ABCA5: variants seen among roughly 807,000 people sequenced by gnomAD.
The protein encoded by ABCA5 is cholesterol transporter ABCA5.
Under a neutral mutation model 206.0 loss-of-function variants are expected in ABCA5, and 163 were observed. That is an observed-to-expected ratio of 0.79 (90% CI 0.70 to 0.90). ABCA5 has a LOEUF of 0.90. ABCA5 is among the 40% of genes least tolerant of loss of function. ABCA5 has a pLI of 0.00. For missense variants in ABCA5, 1,859 were observed against 1,912.9 expected (o/e 0.97, Z 0.53); for synonymous variants, 609 against 613.8 (o/e 0.99, Z 0.11).
intron 2 of ABCA5, 110 bp from the exon 3 acceptor site, chr17:69,313,406 C>G: frequency 2.3e-6 from 1 of 435,420 alleles, no homozygotes; most frequent in African/African-American, 3.4e-5. Flanking sequence ...ATTTGGTTGT[C>G]CTTTCTTATG....
Position 69,286,257 on chromosome 17 carries a change from A to T in ABCA5, c.2096T>A (p.Phe699Tyr). Residue 699 changes from phenylalanine to tyrosine, a missense_variant, in exon 16 of 39, where the codon TTC (phenylalanine) becomes TAC (tyrosine). By Grantham distance (22) the Phe-to-Tyr change is conservative. Transcript: ENST00000392676. The stretch of plus-strand genomic sequence containing the variant: ...GCCGATCCCCCATTTACTTTTGAGG[A>T]ACATTGAAGAACCAACACATTTCAG... Reference protein sequence around the residue: ...GMLKCVGSSMFLKSKWGIGYR... With the variant: ...GMLKCVGSSMYLKSKWGIGYR... The T allele has an allele frequency of 6.3e-7, 1 of 1,592,512 alleles. No homozygotes were observed. The highest frequency in any genetic ancestry group is 1.2e-5 in the South Asian group (1 of 86,276).
At chr17:69,272,634 A>G (rs577858620) in intron 20 of ABCA5, among the ~76,000 whole-genome samples, 4 of 152,316 alleles carry the variant, frequency 2.6e-5, no homozygotes, top group African/African-American at 9.6e-5. Context: ...AACCAAAACG[A>G]GAATTCATAA....
chr17:69,292,235 G>A (rs538508853), intron 11 of ABCA5, among the ~76,000 whole-genome samples: 66 of 152,160 alleles, frequency 4.3e-4, no homozygotes, highest in African/African-American at 1.4e-3. Flanking sequence ...ACAACTAAAC[G>A]TTAAGTGTTC....
At chr17:69,308,244 G>A in intron 5 of ABCA5, 36 bp downstream of exon 5, 1 of 1,305,712 alleles carries the variant, frequency 7.7e-7, no homozygotes, top group Non-Finnish European at 1.1e-6. Flanking sequence ...TTTTAAAATG[G>A]CATAGTTTTT....
intron 24 of ABCA5, 35 bp from the exon 25 acceptor site, chr17:69,261,783 A>T (rs778232811): frequency 1.2e-6 from 1 of 829,226 alleles, no homozygotes; most frequent in Admixed American, 3.4e-5. Flanking sequence ...TAAAAATATG[A>T]ATAGCTTGCA....
intron 23 of ABCA5, among the ~76,000 whole-genome samples, chr17:69,267,711 A>AC (rs751802207): frequency 5.9e-5 from 9 of 152,168 alleles, no homozygotes; most frequent in Non-Finnish European, 1.2e-4. Context: ...CAAAAAACTT[A>AC]CCTCACAATG....
rs1410615309 is a variant in ABCA5, at chr17:69,284,019, C to T, written c.2326G>A (p.Val776Ile). The change falls in exon 18 of 39, where the codon GTT becomes ATT. Residue 776 changes from valine to isoleucine, a missense_variant. Coordinates refer to ENST00000392676, the MANE Select transcript of ABCA5 (RefSeq NM_172232.4). ...ACGTCTTCCAAAGTCGTCATGGAAA[C>T]ACCATAAGAAATGACACCCAAATTT... The part of the protein sequence containing the change: ...HSNLGVISYG[V>I]SMTTLEDVFL... The T allele has an allele frequency of 1.9e-6, 3 of 1,606,570 alleles. No homozygotes were observed. Among genetic ancestry groups the T allele is most frequent in the Non-Finnish European group, 2.5e-6 (3 of 1,176,968 alleles).
At chr17:69,295,543 T>C (rs1020770126) in intron 10 of ABCA5, among the ~76,000 whole-genome samples, 1 of 152,172 alleles carries the variant, frequency 6.6e-6, no homozygotes, top group South Asian at 2.1e-4. Context: ...TGCTACAAAA[T>C]TATTGCAGTG....
Position 69,297,174 on chromosome 17 carries a change from CA to C in ABCA5, c.1436+16del, listed in dbSNP as rs1384510502. The C allele has an allele frequency of 1.1e-5, 18 of 1,599,926 alleles. No homozygotes were observed. Among genetic ancestry groups the C allele is most frequent in the Non-Finnish European group, 1.5e-5 (18 of 1,176,518 alleles). On this transcript the variant is annotated intron_variant, in intron 10 of 38. Coordinates refer to ENST00000392676, the MANE Select transcript of ABCA5 (RefSeq NM_172232.4). Reference sequence around the variant, plus strand: ...TCAGCAGTTCTTATACCTAAATTGCCAAAGATTGAACCATACCTTATGGCTT... The same window carrying C: ...TCAGCAGTTCTTATACCTAAATTGCCAAGATTGAACCATACCTTATGGCTT...
At chr17:69,299,768 G>A (rs1567775562) in intron 9 of ABCA5, among the ~76,000 whole-genome samples, 1 of 151,982 alleles carries the variant, frequency 6.6e-6, no homozygotes, top group South Asian at 2.1e-4. Context: ...AGGGTGACAG[G>A]TGCACCAATA....
chr17:69,299,463 CACACACAT>C (rs1447870093), intron 9 of ABCA5, among the ~76,000 whole-genome samples: 5 of 130,260 alleles, frequency 3.8e-5, no homozygotes, highest in East Asian at 5.3e-4. Flanking sequence ...GATACACACA[CACACACAT>C]ACACACACAC....
At chr17:69,251,686 T>C (rs1052890055) in intron 35 of ABCA5, 61 bp downstream of exon 35, 12 of 1,548,718 alleles carry the variant, frequency 7.7e-6, no homozygotes, top group South Asian at 1.2e-5. Flanking sequence ...TTTGAAATGA[T>C]GACTTTCAAA....
chr17:69,301,151 G>T lies in ABCA5; in HGVS notation c.1255C>A (p.Gln419Lys). ...FYVLLAVYLDQVIPGEFGLRR... is the reference protein window; with the variant it reads ...FYVLLAVYLDKVIPGEFGLRR... The stretch of plus-strand genomic sequence containing the variant: ...ACCATCTGCATACCTGGAATGACTT[G>T]ATCAAGATAGACAGCCAAGAGGACA... Residue 419 changes from glutamine (Q) to lysine (K), a missense_variant, in exon 9 of 39, where the codon CAA becomes AAA. Transcript: ENST00000392676. 1 of 1,545,132 alleles carries T rather than the reference G, an allele frequency of 6.5e-7. No homozygotes were observed. The highest frequency in any genetic ancestry group is 1.3e-5 in the South Asian group (1 of 76,994).
intron 19 of ABCA5, among the ~76,000 whole-genome samples, chr17:69,275,931 T>C (rs1049242136): frequency 6.6e-6 from 1 of 152,182 alleles, no homozygotes; most frequent in African/African-American, 2.4e-5. Context: ...GGTGGCCTTC[T>C]GCAAGCCAGG....
chr17:69,289,888 T>A lies in ABCA5; in HGVS notation c.1756A>T (p.Ile586Leu), dbSNP rs201146045. ...NLSILASIKG[I>L]PANNIIQEVQ... ...TCTTGTATTATATTGTTGGCTGGTA[T>A]CCCTTTGATTGAAGCCAAAATTGAT... Residue 586 changes from isoleucine to leucine, a missense_variant, in exon 13 of 39, where the codon ATA becomes TTA. Transcript: ENST00000392676. 155 of 1,610,214 alleles carry A rather than the reference T, an allele frequency of 9.6e-5. No individual in the cohort carries two copies. Among genetic ancestry groups the A allele is most frequent in the Non-Finnish European group, 1.1e-4 (128 of 1,178,492 alleles).
chr17:69,271,043 C>A, intron 21 of ABCA5, 119 bp downstream of exon 21: 2 of 1,248,250 alleles, frequency 1.6e-6, no homozygotes, highest in South Asian at 1.8e-5. Context: ...TAGTTATTTC[C>A]AAAAGTAAAA....
At chr17:69,248,133 G>A (rs1032530764) in intron 38 of ABCA5, 129 bp downstream of exon 38, 13 of 557,486 alleles carry the variant, frequency 2.3e-5, no homozygotes, top group Non-Finnish European at 1.9e-5. Context: ...ATTATACCAA[G>A]TTTAAGATCA....
intron 12 of ABCA5, among the ~76,000 whole-genome samples, chr17:69,290,886 T>C (rs2075518227): frequency 2.0e-5 from 3 of 152,150 alleles, no homozygotes; most frequent in Non-Finnish European, 4.4e-5. Flanking sequence ...TTGTGTTTAT[T>C]TTCTCAACCT....
intron 9 of ABCA5, among the ~76,000 whole-genome samples, chr17:69,299,710 G>A (rs1443611408): frequency 6.7e-6 from 1 of 149,784 alleles, no homozygotes; most frequent in Non-Finnish European, 1.5e-5. Flanking sequence ...AAAGGTGGGA[G>A]GGGGGTGAGG....
Sources: allele counts gnomAD v4.1 joint callset (sites outside exome capture counted in the v4.1 genomes callset), GRCh38; gene constraint gnomAD v4.1.1; transcripts MANE v1.5; gene names NCBI Gene and HGNC (gene_info 2026-07-23, HGNC 2026-07-21).